Variants in PRDM1 observed in about 807,000 individuals in gnomAD.
The protein encoded by PRDM1 is PR/SET domain 1, also known as PR domain zinc finger protein 1.
A neutral mutation model predicts 62.8 loss-of-function variants in PRDM1; 13 were observed. The ratio of observed to expected loss-of-function variants is 0.21; its 90% CI spans 0.13 to 0.33. The LOEUF (loss-of-function observed/expected upper bound fraction) is 0.33, where lower values mean the gene tolerates loss of function less well. Among genes scored for constraint, PRDM1 ranks in the 10% least tolerant of loss-of-function variants. The pLI, the probability that PRDM1 is intolerant of heterozygous loss-of-function variation, is 1.00. For missense variants in PRDM1, 895 were observed against 1,058.8 expected (o/e 0.85, Z 2.15); for synonymous variants, 396 against 417.6 (o/e 0.95, Z 0.63).
At chr6:106,092,876 T>A (rs1162132309) in intron 2 of PRDM1, among the ~76,000 whole-genome samples, 1 of 152,216 alleles carries the variant, frequency 6.6e-6, no homozygotes, top group Non-Finnish European at 1.5e-5. Flanking sequence ...GTAAGTGCCT[T>A]CCAGTTTTGA....
At chr6:106,045,917 A>T (rs1454621103), upstream of PRDM1, 1 of 152,166 alleles carries the variant, frequency 6.6e-6, no homozygotes, top group Non-Finnish European at 1.5e-5. Flanking sequence ...GGTTCATGAG[A>T]TAGATGCAGA....
chr6:106,047,407 T>C (rs1773097471), upstream of PRDM1, among the ~76,000 whole-genome samples: 1 of 152,222 alleles, frequency 6.6e-6, no homozygotes, highest in African/African-American at 2.4e-5. Flanking sequence ...AGGTCTTTGA[T>C]GGAAATGCCT....
upstream of PRDM1, among the ~76,000 whole-genome samples, chr6:106,048,232 A>AAT (rs1479040058): frequency 6.6e-6 from 1 of 150,744 alleles, no homozygotes; most frequent in Admixed American, 6.6e-5. Context: ...AAAAAAAAAA[A>AAT]AAAAATTAGC....
At chr6:106,067,173 A>G (rs1264204095) in intron 1 of PRDM1, among the ~76,000 whole-genome samples, 1 of 152,218 alleles carries the variant, frequency 6.6e-6, no homozygotes, top group African/African-American at 2.4e-5. Context: ...GCTTGCATAA[A>G]TAAGACATTT....
intron 1 of PRDM1, among the ~76,000 whole-genome samples, chr6:106,037,040 A>C (rs868085717): frequency 1.1e-4 from 17 of 151,968 alleles, no homozygotes; most frequent in African/African-American, 4.1e-4. Flanking sequence ...AACCTGCAAG[A>C]CCTCTTTTGG....
chr6:105,999,874 G>C (rs1353837941), intron 1 of PRDM1, among the ~76,000 whole-genome samples: 1 of 151,716 alleles, frequency 6.6e-6, no homozygotes, highest in Non-Finnish European at 1.5e-5. Context: ...TTTTTTTTGA[G>C]ACGGAGTCTT....
chr6:106,075,611 G>A (rs1338151866), intron 1 of PRDM1, among the ~76,000 whole-genome samples: 1 of 152,178 alleles, frequency 6.6e-6, no homozygotes, highest in East Asian at 1.9e-4. Flanking sequence ...TTCACATAGT[G>A]AGAATCTATC....
At chr6:106,044,861 T>C (rs1173757579), upstream of PRDM1, among the ~76,000 whole-genome samples, 2 of 152,216 alleles carry the variant, frequency 1.3e-5, no homozygotes, top group African/African-American at 2.4e-5. Context: ...GTCATTTTCA[T>C]TGAGTTAATA....
In PRDM1 at chr6:105,994,479, C is replaced by T. The variant is rs1275362258; in HGVS notation, c.-67+840C>T. 1.3e-5 allele frequency among the ~76,000 whole-genome samples: 2 copies of T among 152,168 alleles called. No individual in the cohort carries two copies. Among genetic ancestry groups the T allele is most frequent in the African/African-American group, 4.8e-5 (2 of 41,448 alleles). ...GCTTTTCTATTACGTTTCTTGTTCT[C>T]CGAGCTCGAGCCCCCTTTTAAAAAG... On this transcript the variant is annotated intron_variant, in intron 1 of 6. Transcript: ENST00000652320. The surrounding 1 kb of genome is among the most constrained non-coding windows in gnomAD (Gnocchi z 4.1).
At position 105,995,765 on chromosome 6, in the gene PRDM1, A is replaced by G. The variant is rs141003350; in HGVS notation, c.-67+2126A>G. ...GTCAGCTAGACTTGGTTCTTTAATTAGGAGGCACAATGAAGTTTCTAACAG... is the reference window on the plus strand; with the variant it reads ...GTCAGCTAGACTTGGTTCTTTAATTGGGAGGCACAATGAAGTTTCTAACAG... On this transcript the variant is annotated intron_variant, in intron 1 of 6. Transcript: ENST00000652320. Among the ~76,000 whole-genome samples, 303 of 152,134 alleles carry G rather than the reference A, an allele frequency of 2.0e-3. 2 individuals are homozygous for G. The highest frequency in any genetic ancestry group is 8.5e-3 in the South Asian group (41 of 4,816).
chr6:106,099,632 A>C, intron 4 of PRDM1, 80 bp downstream of exon 4: 1 of 1,546,644 alleles, frequency 6.5e-7, no homozygotes, highest in South Asian at 1.2e-5. Flanking sequence ...CATGTTGTTT[A>C]ATTATACGGC....
intron 1 of PRDM1, among the ~76,000 whole-genome samples, chr6:106,069,801 G>A (rs898654699): frequency 6.6e-6 from 1 of 152,220 alleles, no homozygotes; most frequent in Non-Finnish European, 1.5e-5. Flanking sequence ...GACTTTAGTG[G>A]AAGAGGTTGC....
At chr6:106,055,560 C>T (rs1005991535) in intron 1 of PRDM1, among the ~76,000 whole-genome samples, 1 of 152,144 alleles carries the variant, frequency 6.6e-6, no homozygotes, top group African/African-American at 2.4e-5. Context: ...CTTGAAAAGC[C>T]TGCAGATTAG....
At chr6:106,054,405 T>C (rs1370161114) in intron 1 of PRDM1, among the ~76,000 whole-genome samples, 1 of 152,146 alleles carries the variant, frequency 6.6e-6, no homozygotes, top group Non-Finnish European at 1.5e-5. Context: ...TGTCTATCTC[T>C]CTCTCACTTA....
intron 1 of PRDM1, among the ~76,000 whole-genome samples, chr6:106,014,668 A>G (rs1764367014): frequency 6.7e-6 from 1 of 150,210 alleles, no homozygotes; most frequent in African/African-American, 2.4e-5. Flanking sequence ...AATTAAATAT[A>G]CTATAAATTT....
At chr6:106,014,696 A>C (rs1772597906) in intron 1 of PRDM1, among the ~76,000 whole-genome samples, 2 of 151,080 alleles carry the variant, frequency 1.3e-5, no homozygotes, top group African/African-American at 4.8e-5. Context: ...ATTATAATAC[A>C]GTTAATCTAT....
chr6:106,029,928 T>C (rs773956521), intron 1 of PRDM1, among the ~76,000 whole-genome samples: 6 of 152,170 alleles, frequency 3.9e-5, no homozygotes, highest in Non-Finnish European at 8.8e-5. Flanking sequence ...CTCATTGTAT[T>C]TGAATTTGCG....
At chr6:106,078,073 G>A (rs1274000493) in intron 1 of PRDM1, among the ~76,000 whole-genome samples, 1 of 152,200 alleles carries the variant, frequency 6.6e-6, no homozygotes, top group Non-Finnish European at 1.5e-5. Flanking sequence ...CTCCTCTCTT[G>A]GGAGTTGACA....
chr6:106,008,926 C>T (rs577512772), intron 1 of PRDM1, among the ~76,000 whole-genome samples: 11 of 152,312 alleles, frequency 7.2e-5, no homozygotes, highest in Admixed American at 7.2e-4. Flanking sequence ...CCCCTTTCCA[C>T]AAGGTTCAAA....
Sources: allele counts gnomAD v4.1 joint callset (sites outside exome capture counted in the v4.1 genomes callset), GRCh38; gene constraint gnomAD v4.1.1; non-coding constraint Gnocchi (gnomAD v3.1); transcripts MANE v1.5; gene names NCBI Gene and HGNC (gene_info 2026-07-23, HGNC 2026-07-21).